The following TMEM200A variants were observed in gnomAD, a reference collection of about 807,000 sequenced individuals.
TMEM200A encodes the protein transmembrane protein 200A.
In TMEM200A, 12 loss-of-function variants were observed where a neutral mutation model predicts 24.3. That is an observed-to-expected ratio of 0.49 (90% CI 0.32 to 0.80). The LOEUF (loss-of-function observed/expected upper bound fraction) is 0.80, where lower values mean the gene tolerates loss of function less well. Among genes scored for constraint, TMEM200A ranks in the 30% least tolerant of loss-of-function variants. The probability of loss-of-function intolerance (pLI) is 0.04; values close to 1 mark genes in which losing one functional copy is unlikely to be tolerated. For synonymous variants in TMEM200A, 224 were observed against 224.4 expected, an observed-to-expected ratio of 1.00 and a Z score of 0.02; for missense variants, 545 against 614.4, an observed-to-expected ratio of 0.89 and a Z score of 1.19.
intron 2 of TMEM200A, among the ~76,000 whole-genome samples, chr6:130,413,438 A>C (rs951336565): frequency 6.6e-6 from 1 of 152,062 alleles, no homozygotes; most frequent in Non-Finnish European, 1.5e-5. Context: ...CATGATTCCC[A>C]ATACTGACTG....
At chr6:130,427,137 C>G (rs1779763407) in intron 2 of TMEM200A, among the ~76,000 whole-genome samples, 1 of 152,190 alleles carries the variant, frequency 6.6e-6, no homozygotes, top group Non-Finnish European at 1.5e-5. Flanking sequence ...GCCTTTTACT[C>G]TTATGTTCCA....
chr6:130,394,487 G>A (rs1202087388), intron 2 of TMEM200A, among the ~76,000 whole-genome samples: 1 of 152,016 alleles, frequency 6.6e-6, no homozygotes, highest in African/African-American at 2.4e-5. Context: ...CTCGAATATT[G>A]GCAGGGGCAC....
At chr6:130,405,157 A>T (rs995997897) in intron 2 of TMEM200A, among the ~76,000 whole-genome samples, 1 of 152,252 alleles carries the variant, frequency 6.6e-6, no homozygotes, top group Admixed American at 6.5e-5. Flanking sequence ...TTGGTTCCAT[A>T]TGAATTTAAA....
chr6:130,372,013 C>T (rs897416901), intron 1 of TMEM200A, among the ~76,000 whole-genome samples: 1 of 152,150 alleles, frequency 6.6e-6, no homozygotes, highest in Admixed American at 6.5e-5. Context: ...TATTATGCCT[C>T]CCCACCATCG....
chr6:130,420,496 A>T lies in TMEM200A; in HGVS notation c.-16-19911A>T, dbSNP rs374554001. 1.1e-4 allele frequency among the ~76,000 whole-genome samples: 16 copies of T among 152,252 alleles called. 2 individuals carry two copies. Among genetic ancestry groups the T allele is most frequent in the African/African-American group, 1.2e-4 (5 of 41,554 alleles). ...TAAAGTTTTTCACCAGGAAGAGAGG[A>T]ACATCTCTCCACTCACATTTTTCTG... On this transcript the variant is annotated intron_variant, in intron 2 of 2. Coordinates refer to ENST00000296978, the MANE Select transcript of TMEM200A (RefSeq NM_001258277.2).
At chr6:130,434,653 A>G (rs1265761835) in intron 2 of TMEM200A, among the ~76,000 whole-genome samples, 8 of 152,160 alleles carry the variant, frequency 5.3e-5, no homozygotes, top group Non-Finnish European at 7.4e-5. Context: ...TATGAGAACA[A>G]AAATAGGAGA....
At chr6:130,413,311 C>G (rs1023707491) in intron 2 of TMEM200A, among the ~76,000 whole-genome samples, 6 of 152,174 alleles carry the variant, frequency 3.9e-5, no homozygotes, top group Non-Finnish European at 8.8e-5. Context: ...TGTGAGATAT[C>G]AAAACAGATG....
intron 2 of TMEM200A, among the ~76,000 whole-genome samples, chr6:130,407,533 G>C (rs1163583924): frequency 6.6e-6 from 1 of 152,190 alleles, no homozygotes; most frequent in Non-Finnish European, 1.5e-5. Context: ...CTCTTTGGAG[G>C]AATTATCTCA....
At chr6:130,400,618 GT>G (rs1176918758) in intron 2 of TMEM200A, among the ~76,000 whole-genome samples, 1 of 151,734 alleles carries the variant, frequency 6.6e-6, no homozygotes, top group African/African-American at 2.4e-5. Context: ...TTTCTGCTGG[GT>G]TTTGAGGGGT....
At chr6:130,420,826 G>T (rs935525827) in intron 2 of TMEM200A, among the ~76,000 whole-genome samples, 5 of 152,048 alleles carry the variant, frequency 3.3e-5, no homozygotes, top group African/African-American at 7.2e-5. Flanking sequence ...TGCAGGGCCC[G>T]CTGAAATCCC....
chr6:130,391,383 C>T (rs1228794252), intron 2 of TMEM200A, among the ~76,000 whole-genome samples: 1 of 152,142 alleles, frequency 6.6e-6, no homozygotes, highest in Non-Finnish European at 1.5e-5. Context: ...TTTCTCTTGC[C>T]TATGCCCCAT....
chr6:130,396,701 T>G (rs1426860025), intron 2 of TMEM200A, among the ~76,000 whole-genome samples: 1 of 152,154 alleles, frequency 6.6e-6, no homozygotes, highest in Non-Finnish European at 1.5e-5. Flanking sequence ...TTTAATATGC[T>G]AAGGTTTTAT....
intron 1 of TMEM200A, among the ~76,000 whole-genome samples, chr6:130,381,576 T>C (rs879282152): frequency 3.9e-5 from 6 of 152,176 alleles, no homozygotes; most frequent in African/African-American, 1.4e-4. Flanking sequence ...CTAATTTTCC[T>C]CCCAGTACAA....
Position 130,441,788 on chromosome 6 carries a change from A to T in TMEM200A, c.1366A>T (p.Asn456Tyr). The T allele has an allele frequency of 6.2e-7, 1 of 1,614,100 alleles. No individual in the cohort carries two copies. The highest frequency in any genetic ancestry group is 8.5e-7 in the Non-Finnish European group (1 of 1,179,968). The change falls in exon 3 of 3, where the codon AAT (asparagine) becomes TAT (tyrosine). Residue 456 changes from asparagine to tyrosine, a missense_variant. Coordinates refer to ENST00000296978, the MANE Select transcript of TMEM200A (RefSeq NM_001258277.2). ...AGTTGCCATCAAAAAGGACTTTACC[A>T]ATAAGGAGAAGCTTCTTATGATTTC... is the stretch of plus-strand genomic sequence containing the variant. ...PQVAIKKDFT[N>Y]KEKLLMISRS...
intron 1 of TMEM200A, among the ~76,000 whole-genome samples, chr6:130,379,329 T>A (rs1192098968): frequency 6.6e-6 from 1 of 151,918 alleles, no homozygotes; most frequent in African/African-American, 2.4e-5. Context: ...GCCTGCAGAG[T>A]GGCCATTCTG....
intron 2 of TMEM200A, among the ~76,000 whole-genome samples, chr6:130,436,193 T>C (rs1443161613): frequency 6.6e-6 from 1 of 152,162 alleles, no homozygotes; most frequent in African/African-American, 2.4e-5. Context: ...TTACCTAAGC[T>C]CTCTTAGCCT....
At chr6:130,389,237 C>T (rs1778780323) in intron 2 of TMEM200A, among the ~76,000 whole-genome samples, 1 of 151,962 alleles carries the variant, frequency 6.6e-6, no homozygotes, top group Non-Finnish European at 1.5e-5. Context: ...GTGAAATGAC[C>T]ACAGCTTTTT....
chr6:130,395,865 A>G (rs1339112785), intron 2 of TMEM200A, among the ~76,000 whole-genome samples: 2 of 152,210 alleles, frequency 1.3e-5, no homozygotes, highest in Non-Finnish European at 1.5e-5. Flanking sequence ...GTCATGTAAG[A>G]CAATCATTTT....
intron 2 of TMEM200A, among the ~76,000 whole-genome samples, chr6:130,414,097 CA>C (rs1313988312): frequency 1.1e-4 from 16 of 151,954 alleles, no homozygotes; most frequent in Admixed American, 1.0e-3. Context: ...TCACTGTTCT[CA>C]AAAGTCTTAA....
Sources: allele counts gnomAD v4.1 joint callset (sites outside exome capture counted in the v4.1 genomes callset), GRCh38; gene constraint gnomAD v4.1.1; transcripts MANE v1.5; gene names NCBI Gene and HGNC (gene_info 2026-07-23, HGNC 2026-07-21).